IL1RAPL2: variants seen among roughly 807,000 people sequenced by gnomAD.
IL1RAPL2 encodes X-linked interleukin-1 receptor accessory protein-like 2.
In IL1RAPL2, 3 loss-of-function variants were observed where a neutral mutation model predicts 44.1. The observed-to-expected ratio is 0.07, with a 90% CI of 0.03 to 0.18. IL1RAPL2 has a LOEUF of 0.18. IL1RAPL2 is among the 10% of genes least tolerant of loss of function. IL1RAPL2 has a pLI of 1.00. For missense variants in IL1RAPL2, 391 were observed against 496.4 expected (o/e 0.79, Z 2.02); for synonymous variants, 181 against 178.8 (o/e 1.01, Z -0.10).
intron 2 of IL1RAPL2, among the ~76,000 whole-genome samples, chrX:104,974,720 G>A (rs1318101560): frequency 2.7e-5 from 3 of 112,261 alleles, no homozygotes; most frequent in Middle Eastern, 4.7e-3. Flanking sequence ...ATGTTCAAGC[G>A]GCTGCTTGTC....
intron 1 of IL1RAPL2, among the ~76,000 whole-genome samples, chrX:104,600,176 A>T (rs1241458800): frequency 8.9e-6 from 1 of 112,155 alleles, no homozygotes; most frequent in Non-Finnish European, 1.9e-5. Flanking sequence ...AAAATACAAA[A>T]GAATTAGTGT....
chrX:104,711,756 G>A (rs1931461892), intron 2 of IL1RAPL2, among the ~76,000 whole-genome samples: 1 of 110,788 alleles, frequency 9.0e-6, no homozygotes, highest in African/African-American at 3.3e-5. Flanking sequence ...ATGAAGTGGG[G>A]GAGGAGACAC....
intron 2 of IL1RAPL2, among the ~76,000 whole-genome samples, chrX:104,803,357 T>C (rs1932897986): frequency 8.9e-6 from 1 of 112,175 alleles, no homozygotes; most frequent in Non-Finnish European, 1.9e-5. Flanking sequence ...AATCACCTTC[T>C]AAACATCCAG....
intron 3 of IL1RAPL2, chrX:105,220,046 G>A (rs2033936486): frequency 8.3e-7 from 1 of 1,211,525 alleles, no homozygotes; most frequent in Non-Finnish European, 1.1e-6. Flanking sequence ...TCCGTCTCCT[G>A]CTGCTCCCTG....
intron 5 of IL1RAPL2, among the ~76,000 whole-genome samples, chrX:105,422,446 G>T (rs776682265): frequency 6.2e-5 from 7 of 112,164 alleles, no homozygotes; most frequent in African/African-American, 2.3e-4. Context: ...TCCAGTCAAA[G>T]CCTTAGTAAA....
chrX:105,293,413 G>A (rs1165246357), intron 5 of IL1RAPL2, among the ~76,000 whole-genome samples: 1 of 111,616 alleles, frequency 9.0e-6, no homozygotes, highest in Non-Finnish European at 1.9e-5. Context: ...AAGGAGAATT[G>A]CTGGATCAAA....
At chrX:105,533,523 T>C (rs1210018606) in intron 6 of IL1RAPL2, among the ~76,000 whole-genome samples, 1 of 112,067 alleles carries the variant, frequency 8.9e-6, no homozygotes, top group Non-Finnish European at 1.9e-5. Context: ...TATAGCCTTG[T>C]GTAACTACCA....
chrX:105,465,331 C>T (rs2036120398), intron 5 of IL1RAPL2, among the ~76,000 whole-genome samples: 1 of 111,832 alleles, frequency 8.9e-6, no homozygotes, highest in African/African-American at 3.2e-5. Flanking sequence ...AGTCTTCTTT[C>T]CTGAGAAAGT....
chrX:105,671,833 AT>A lies in IL1RAPL2; in HGVS notation c.773-45525del, dbSNP rs750826278. 4.6e-5 allele frequency among the ~76,000 whole-genome samples: 5 copies of A among 108,855 alleles called. No homozygotes were observed. In the East Asian group the frequency reaches 1.2e-3, roughly 25 times the overall value. The allele number at this position is 108,855 out of a possible 115,157, so 94.5% of individuals were successfully genotyped here. On this transcript the variant is annotated intron_variant, in intron 6 of 10. Transcript: ENST00000372582. ...CACACAGGTCCTAGACTATCTATTC[AT>A]TTTTTTTTCTAGTCTATTTTTTCTC...
At chrX:105,619,119 A>G (rs1435051303) in intron 6 of IL1RAPL2, among the ~76,000 whole-genome samples, 2 of 111,193 alleles carry the variant, frequency 1.8e-5, no homozygotes, top group Non-Finnish European at 3.8e-5. Context: ...TCATGTATAC[A>G]TGAGAAAAAA....
chrX:105,488,349 GAC>G (rs1239233482), intron 6 of IL1RAPL2, among the ~76,000 whole-genome samples: 2 of 111,976 alleles, frequency 1.8e-5, no homozygotes, highest in Admixed American at 1.9e-4. Context: ...TAGAGGATGA[GAC>G]ACAATATGGT....
chrX:105,766,936 ACT>A (rs1007139020), intron 10 of IL1RAPL2, 26 bp from the exon 11 acceptor site: 1 of 1,090,363 alleles, frequency 9.2e-7, no homozygotes, highest in African/African-American at 1.8e-5. Flanking sequence ...TCTTTGTTTT[ACT>A]CTTTCTCTCT....
At chrX:104,752,956 G>T (rs1315345956) in intron 2 of IL1RAPL2, among the ~76,000 whole-genome samples, 6 of 109,404 alleles carry the variant, frequency 5.5e-5, no homozygotes, top group Non-Finnish European at 1.1e-4. Context: ...TTGCTCATGT[G>T]CCCTGTATAC....
intron 2 of IL1RAPL2, among the ~76,000 whole-genome samples, chrX:104,882,318 T>C (rs1923092829): frequency 8.9e-6 from 1 of 112,169 alleles, no homozygotes; most frequent in African/African-American, 3.2e-5. Flanking sequence ...TGAGGTGATA[T>C]TTTTCTTTCT....
intron 6 of IL1RAPL2, among the ~76,000 whole-genome samples, chrX:105,693,049 T>G (rs2038048226): frequency 9.0e-6 from 1 of 111,591 alleles, no homozygotes; most frequent in Non-Finnish European, 1.9e-5. Flanking sequence ...TTGTGCTAGC[T>G]CTTTCCTGGT....
chrX:105,764,156 G>T (rs952719743), intron 10 of IL1RAPL2, among the ~76,000 whole-genome samples: 4 of 111,488 alleles, frequency 3.6e-5, no homozygotes, highest in Admixed American at 2.9e-4. Flanking sequence ...TCTCTCCAAG[G>T]TTCCCTTTAA....
chrX:104,817,499 G>A (rs1252561331), intron 2 of IL1RAPL2, among the ~76,000 whole-genome samples: 2 of 111,261 alleles, frequency 1.8e-5, no homozygotes, highest in Non-Finnish European at 3.8e-5. Context: ...TAATTTTGGG[G>A]CATTGTTCTC....
chrX:104,758,482 G>C (rs1223487299), intron 2 of IL1RAPL2, among the ~76,000 whole-genome samples: 1 of 110,904 alleles, frequency 9.0e-6, no homozygotes, highest in African/African-American at 3.3e-5. Flanking sequence ...TAGCTAAAGG[G>C]GGCTTTTCTC....
At chrX:105,733,256 A>C (rs1003158550) in intron 7 of IL1RAPL2, among the ~76,000 whole-genome samples, 6 of 111,558 alleles carry the variant, frequency 5.4e-5, no homozygotes, top group Non-Finnish European at 9.4e-5. Context: ...GTTTATCTAT[A>C]GGTGTGGTGG....
Sources: allele counts gnomAD v4.1 joint callset (sites outside exome capture counted in the v4.1 genomes callset), GRCh38; gene constraint gnomAD v4.1.1; transcripts MANE v1.5; gene names NCBI Gene and HGNC (gene_info 2026-07-23, HGNC 2026-07-21).